The following TRAPPC2 variants were observed in gnomAD, a reference collection of about 807,000 sequenced individuals.
TRAPPC2 encodes trafficking protein particle complex subunit 2, also known as sedlin.
Under a neutral mutation model 10.0 loss-of-function variants are expected in TRAPPC2, and 4 were observed. The ratio of observed to expected loss-of-function variants is 0.40; its 90% CI spans 0.20 to 0.92. The LOEUF (loss-of-function observed/expected upper bound fraction) is 0.92, where lower values mean the gene tolerates loss of function less well. Among genes scored for constraint, TRAPPC2 ranks in the 40% least tolerant of loss-of-function variants. TRAPPC2 has a pLI of 0.35. For synonymous variants in TRAPPC2, 36 were observed against 37.3 expected, an observed-to-expected ratio of 0.97 and a Z score of 0.12; for missense variants, 52 against 108.7, an observed-to-expected ratio of 0.48 and a Z score of 2.32.
intron 2 of TRAPPC2, among the ~76,000 whole-genome samples, chrX:13,724,961 C>A (rs904974692): frequency 7.1e-5 from 8 of 113,460 alleles, no homozygotes; most frequent in African/African-American, 2.6e-4. Flanking sequence ...CCATGCCTGG[C>A]TCGGCAGGTC....
chrX:13,723,059 C>T (rs1242083757), intron 2 of TRAPPC2, among the ~76,000 whole-genome samples: 1 of 96,304 alleles, frequency 1.0e-5, no homozygotes, highest in African/African-American at 3.9e-5. Flanking sequence ...CGTGCCACTG[C>T]ACACTCCAGC....
intron 2 of TRAPPC2, chrX:13,720,631 A>G (rs2046387543): frequency 8.9e-6 from 1 of 112,254 alleles, no homozygotes; most frequent in African/African-American, 3.2e-5. Context: ...CTCTTTATAT[A>G]CCAATTTATA....
chrX:13,729,072 A>G (rs2046616318), intron 2 of TRAPPC2, among the ~76,000 whole-genome samples: 1 of 111,802 alleles, frequency 8.9e-6, no homozygotes, highest in African/African-American at 3.3e-5. Flanking sequence ...GGAGAACTAC[A>G]AACCACTGCT....
chrX:13,728,630 C>T (rs897293386), intron 2 of TRAPPC2, among the ~76,000 whole-genome samples: 1 of 111,600 alleles, frequency 9.0e-6, no homozygotes, highest in South Asian at 3.7e-4. Flanking sequence ...TATGACAAAC[C>T]CACAGCCAAT....
At chrX:13,728,439 G>C (rs1042924002) in intron 2 of TRAPPC2, among the ~76,000 whole-genome samples, 5 of 112,010 alleles carry the variant, frequency 4.5e-5, no homozygotes, top group African/African-American at 9.8e-5. Context: ...TGCAAGGCTG[G>C]TTCAACATAC....
intron 1 of TRAPPC2, 74 bp downstream of exon 1, chrX:13,734,451 C>G (rs2046764559): frequency 4.4e-6 from 1 of 228,469 alleles, no homozygotes; most frequent in African/African-American, 2.9e-5. Context: ...CCAACATCCG[C>G]GTCACGCAGG....
chrX:13,714,789 C>T (rs2046261117), intron 5 of TRAPPC2, among the ~76,000 whole-genome samples: 1 of 111,942 alleles, frequency 8.9e-6, no homozygotes, highest in Non-Finnish European at 1.9e-5. Flanking sequence ...GTGTGAAATA[C>T]TCATATTCAT....
chrX:13,716,815 G>C, intron 3 of TRAPPC2, 137 bp from the exon 4 acceptor site: 1 of 582,520 alleles, frequency 1.7e-6, no homozygotes, highest in African/African-American at 2.3e-5. Flanking sequence ...TTATTGTCAT[G>C]AGACTTATAA....
chrX:13,724,258 C>A (rs1399579555), intron 2 of TRAPPC2, among the ~76,000 whole-genome samples: 3 of 109,912 alleles, frequency 2.7e-5, no homozygotes, highest in African/African-American at 1.0e-4. Context: ...TCTCTGACTA[C>A]CTTAAATTTA....
At position 13,719,860 on chromosome X, in the gene TRAPPC2, T is replaced by G. The variant is rs370291332; in HGVS notation, c.93+11A>C. 1 of 1,144,947 alleles carries G rather than the reference T, an allele frequency of 8.7e-7. No homozygotes were observed. The highest frequency in any genetic ancestry group is 1.8e-5 in the African/African-American group (1 of 55,652). The allele number at this position is 1,144,947 out of a possible 1,213,427, so 94.4% of individuals were successfully genotyped here. ...CCATATCATTACAATAGCATAAAAA[T>G]TCTTACGTACTTTGGATTCTGCCTT... On this transcript the variant is annotated intron_variant, in intron 3 of 5. Transcript: ENST00000380579.
At chrX:13,720,121 G>T in intron 2 of TRAPPC2, 139 bp from the exon 3 acceptor site, 1 of 375,653 alleles carries the variant, frequency 2.7e-6, no homozygotes, top group Non-Finnish European at 4.4e-6. Flanking sequence ...GCAGTTTCCA[G>T]TATACTAGCG....
intron 2 of TRAPPC2, among the ~76,000 whole-genome samples, chrX:13,727,680 A>G (rs1027564753): frequency 6.2e-5 from 7 of 112,335 alleles, no homozygotes; most frequent in Non-Finnish European, 1.1e-4. Flanking sequence ...TAACATTGCA[A>G]TTAAAAGAAC....
rs2046748112 is a variant in TRAPPC2 at position 13,734,098 on chromosome X, C to T, written c.-74G>A. On this transcript the variant is annotated 5_prime_UTR_variant, in exon 2 of 6. Coordinates refer to ENST00000380579, the MANE Select transcript of TRAPPC2 (RefSeq NM_001011658.4). ...CTCTAAAACGTTTAGCTCTGTGGAT[C>T]TCAACCCGGAGCGATCTTGCTTCCA... 3.9e-6 allele frequency: 2 copies of T among 513,919 alleles called. No individual in the cohort carries two copies. Among genetic ancestry groups the T allele is most frequent in the Non-Finnish European group, 7.0e-6 (2 of 286,438 alleles). 42.4% of individuals were successfully genotyped at this position (513,919 alleles called of 1,213,427 possible).
chrX:13,726,763 C>A (rs750798735), intron 2 of TRAPPC2, among the ~76,000 whole-genome samples: 2 of 111,653 alleles, frequency 1.8e-5, no homozygotes, highest in African/African-American at 6.5e-5. Flanking sequence ...ACAATATTAA[C>A]CTTAAATGTA....
intron 2 of TRAPPC2, chrX:13,721,808 C>A (rs1264801701): frequency 9.1e-6 from 1 of 109,939 alleles, no homozygotes; most frequent in Non-Finnish European, 1.9e-5. Context: ...CTATAGACTG[C>A]AGGCCAAATC....
Position 13,722,208 on chromosome X carries a change from C to CCA in TRAPPC2, c.-19-2227_-19-2226insTG, listed in dbSNP as rs1555898002. Reference sequence around the variant, plus strand: ...TTTCTTCAGTACATTTAAGCAGCAGCAAAAAAAAAAAAAAAAAAAAAAAAA... The same window carrying CCA: ...TTTCTTCAGTACATTTAAGCAGCAGCCAAAAAAAAAAAAAAAAAAAAAAAAAA... On this transcript the variant is annotated intron_variant, in intron 2 of 5. Coordinates refer to ENST00000380579, the MANE Select transcript of TRAPPC2 (RefSeq NM_001011658.4). 1.6e-3 allele frequency: 58 copies of CCA among 36,111 alleles called. 1 individual carries two copies. The highest frequency in any genetic ancestry group is 6.8e-3 in the African/African-American group (57 of 8,358). 3.0% of individuals were successfully genotyped at this position (36,111 alleles called of 1,213,427 possible). A position where few individuals can be genotyped will look rare whatever the true frequency, so the allele number is the denominator to read the frequency against.
At position 13,724,041 on chromosome X, in the gene TRAPPC2, T is replaced by C. The variant is rs763994310; in HGVS notation, c.-19-4059A>G. Among the ~76,000 whole-genome samples the C allele has an allele frequency of 8.1e-5, 9 of 111,000 alleles. No homozygotes were observed. In the South Asian group the frequency reaches 3.4e-3, roughly 42 times the overall value. ...TCACAGCAATGTGATCTTGACAGCT[T>C]TGAAAATGAAGGAAGGGGCCACAGC... is the stretch of plus-strand genomic sequence containing the variant. On this transcript the variant is annotated intron_variant, in intron 2 of 5. Coordinates refer to ENST00000380579, the MANE Select transcript of TRAPPC2 (RefSeq NM_001011658.4).
chrX:13,721,482 G>A (rs375425544), intron 2 of TRAPPC2: 1 of 111,854 alleles, frequency 8.9e-6, no homozygotes, highest in South Asian at 3.8e-4. Context: ...TTCTCAACAC[G>A]GAGTGGAAAT....
intron 2 of TRAPPC2, among the ~76,000 whole-genome samples, chrX:13,728,457 G>A (rs766763757): frequency 9.0e-6 from 1 of 111,618 alleles, no homozygotes; most frequent in Non-Finnish European, 1.9e-5. Flanking sequence ...TACGCAAATC[G>A]ATAAACATAA....
Sources: gnomAD v4.1 joint callset for allele counts (sites outside exome capture counted in the v4.1 genomes callset) on GRCh38, gnomAD v4.1.1 for gene constraint, MANE v1.5 for transcripts, NCBI Gene and HGNC (gene_info 2026-07-23, HGNC 2026-07-21) for gene names.